Variants in POLG observed in about 807,000 individuals in gnomAD.
POLG encodes the protein DNA polymerase subunit gamma-1.
In POLG, 110 loss-of-function variants were observed where a neutral mutation model predicts 155.4. The observed-to-expected ratio is 0.71, with a 90% CI of 0.61 to 0.83. POLG has a LOEUF of 0.83. POLG is among the 40% of genes least tolerant of loss of function. The pLI is 0.00. For missense variants in POLG, 1,685 were observed against 1,627.5 expected (o/e 1.04, Z -0.61); for synonymous variants, 701 against 631.5 (o/e 1.11, Z -1.65).
chr15:89,321,280 C>A lies in POLG; in HGVS notation c.2599-20G>T. The A allele has an allele frequency of 6.2e-7, 1 of 1,613,358 alleles. No individual in the cohort carries two copies. Among genetic ancestry groups the A allele is most frequent in the Middle Eastern group, 1.7e-4 (1 of 6,058 alleles). On this transcript the variant is annotated intron_variant, in intron 16 of 22. Coordinates refer to ENST00000268124, the MANE Select transcript of POLG (RefSeq NM_002693.3). ...GTCAGGCTGTGGGAAGAGTGAGATA[C>A]CCAAATGAGACTCTTCCTACCCCAT...
chr15:89,323,962 G>A, intron 11 of POLG, 61 bp from the exon 12 acceptor site: 1 of 1,530,270 alleles, frequency 6.5e-7, no homozygotes, highest in Non-Finnish European at 9.1e-7. Flanking sequence ...CAATCCACCA[G>A]CCCCTCCCTG....
Position 89,318,600 on chromosome 15 carries a change from C to T in POLG, c.3423G>A (p.Val1141=), listed in dbSNP as rs763838486. 1 of 1,614,200 alleles carries T rather than the reference C, an allele frequency of 6.2e-7. No individual in the cohort carries two copies. Among genetic ancestry groups the T allele is most frequent in the Non-Finnish European group, 8.5e-7 (1 of 1,180,040 alleles). The change falls in exon 21 of 23, where the codon GTG becomes GTA. Residue 1141 remains valine (V), a synonymous_variant. Transcript: ENST00000268124. ...CAGCGCGGTAGCGGTCCTCCTCCCGCACCAGGTAGCGAACCTCGTCATGGA... is the reference window on the plus strand; with the variant it reads ...CAGCGCGGTAGCGGTCCTCCTCCCGTACCAGGTAGCGAACCTCGTCATGGA... ...ISIHDEVRYL[V]REEDRYRAAL...
At position 89,323,991 on chromosome 15, in the gene POLG, C is replaced by A. The variant is rs1449258971; in HGVS notation, c.2071-90G>T. 3 of 1,551,800 alleles carry A rather than the reference C, an allele frequency of 1.9e-6. No individual in the cohort carries two copies. The East Asian group carries it at 6.7e-5, about 35-fold the overall frequency. ...CTCCCTGCATGGTACTCAGACACTG[C>A]AGGCCAGTCTGGGGTGAGCCACCAG... On this transcript the variant is annotated intron_variant, in intron 11 of 22. Coordinates refer to ENST00000268124, the MANE Select transcript of POLG (RefSeq NM_002693.3).
chr15:89,322,692 G>T, intron 14 of POLG, 50 bp downstream of exon 14: 1 of 1,587,976 alleles, frequency 6.3e-7, no homozygotes, highest in Non-Finnish European at 8.6e-7. Context: ...GGGTCCCTGG[G>T]TGGGAAGAGA....
Position 89,321,259 on chromosome 15 carries a change from G to A in POLG, c.2600C>T (p.Pro867Leu), listed in dbSNP as rs780880601. The change falls in exon 17 of 23, where the codon CCT becomes CTT. Residue 867 changes from proline (P) to leucine (L), a missense_variant and splice_region_variant. This residue lies in a region of POLG where 1,210 missense variants were observed against 1,167.1 expected (regional missense o/e 1.04). Transcript: ENST00000268124. ...PTWLTASNAR[P>L]DRVGSELKAM... ...TTTCAACTCACTGCCTACTCGGTCA[G>A]GCTGTGGGAAGAGTGAGATACCCAA... The A allele has an allele frequency of 1.2e-6, 2 of 1,614,096 alleles. No individual in the cohort carries two copies. Among genetic ancestry groups the A allele is most frequent in the Non-Finnish European group, 1.7e-6 (2 of 1,179,982 alleles).
Position 89,328,490 on chromosome 15 carries a change from C to T in POLG, c.1216G>A (p.Val406Ile). Residue 406 changes from valine (V) to isoleucine (I), a missense_variant, in exon 6 of 23, where the codon GTT (valine) becomes ATT (isoleucine). This residue lies in a region of POLG where 1,210 missense variants were observed against 1,167.1 expected (regional missense o/e 1.04). Coordinates refer to ENST00000268124, the MANE Select transcript of POLG (RefSeq NM_002693.3). ...AAGAGCGGTAGCTGCTGCTGGAAAA[C>T]CTCATGGGTGGCCCACACGTCCTGG... ...CAQDVWATHE[V>I]FQQQLPLFLE... 4 of 1,613,944 alleles carry T rather than the reference C, an allele frequency of 2.5e-6. No homozygotes were observed. Among genetic ancestry groups the T allele is most frequent in the Non-Finnish European group, 3.4e-6 (4 of 1,180,002 alleles).
intron 22 of POLG, 36 bp downstream of exon 22, chr15:89,317,340 C>T (rs761373092): frequency 1.2e-6 from 2 of 1,607,372 alleles, no homozygotes; most frequent in East Asian, 2.2e-5. Context: ...CACCTCAGAT[C>T]CTATGTGTAA....
In POLG at chr15:89,316,586, C is replaced by T; in HGVS notation, c.*165G>A. 1 of 1,122,842 alleles carries T rather than the reference C, an allele frequency of 8.9e-7. No homozygotes were observed. Among genetic ancestry groups the T allele is most frequent in the African/African-American group, 1.5e-5 (1 of 64,908 alleles). The allele number at this position is 1,122,842 out of a possible 1,614,324, so 69.6% of individuals were successfully genotyped here. ...TTGGTTCTGAACCCACTGAATTCAA[C>T]TGCACCTTCAGTTAGAAGGAATCTT... On this transcript the variant is annotated 3_prime_UTR_variant, in exon 23 of 23. Transcript: ENST00000268124.
intron 18 of POLG, 31 bp downstream of exon 18, chr15:89,320,735 G>A: frequency 6.2e-7 from 1 of 1,610,830 alleles, no homozygotes; most frequent in Non-Finnish European, 8.5e-7. Flanking sequence ...CGGGTCCTGG[G>A]TGTTAAAGTG....
At position 89,326,757 on chromosome 15, in the gene POLG, A is replaced by T; in HGVS notation, c.1586-19T>A. 6.2e-7 allele frequency: 1 copy of T among 1,614,068 alleles called. No individual in the cohort carries two copies. The highest frequency in any genetic ancestry group is 8.5e-7 in the Non-Finnish European group (1 of 1,180,000). On this transcript the variant is annotated intron_variant, in intron 8 of 22. Transcript: ENST00000268124. ...CCGAGGTCTGTGAGGGTGGGGGAAG[A>T]CAATCAGGAGCAGGAGAAGGAACTC...
intron 10 of POLG, among the ~76,000 whole-genome samples, chr15:89,325,145 AGTGAGTGAGTGAGT>A (rs2055477105): frequency 6.3e-5 from 3 of 47,326 alleles, no homozygotes; most frequent in Non-Finnish European, 1.5e-4. Context: ...TGAGTGAGAG[AGTGAGTGAGTGAGT>A]GAGTGAGTGA....
At position 89,330,219 on chromosome 15, in the gene POLG, C is replaced by T. The variant is rs1188801234; in HGVS notation, c.717G>A (p.Leu239=). 2.5e-6 allele frequency: 4 copies of T among 1,613,292 alleles called. No homozygotes were observed. The highest frequency in any genetic ancestry group is 2.5e-6 in the Non-Finnish European group (3 of 1,179,922). The change falls in exon 3 of 23, where the codon CTG becomes CTA. Residue 239 remains leucine, a synonymous_variant. Transcript: ENST00000268124. Reference sequence around the variant, plus strand: ...CCAGGGGGATGAGGTCAGCCGGCGACAGCTGGCTGGTCCAAGAGTAACGCT... The same window carrying T: ...CCAGGGGGATGAGGTCAGCCGGCGATAGCTGGCTGGTCCAAGAGTAACGCT... ...VEERYSWTSQ[L]SPADLIPLEV...
chr15:89,325,604 T>G lies in POLG; in HGVS notation c.1795A>C (p.Thr599Pro), dbSNP rs1064796458. ...CAGGTAAGTGCCATGAGTTTAGGTG[T>G]GACCCGCATCTGCAGGCTGAGGAGG... ...PSLLSLQMRV[T>P]PKLMALTWDG... Residue 599 changes from threonine to proline, a missense_variant, in exon 10 of 23, where the codon ACA becomes CCA. By Grantham distance (38) the Thr-to-Pro change is conservative (BLOSUM62 -1). Transcript: ENST00000268124. The G allele has an allele frequency of 6.2e-7, 1 of 1,613,686 alleles. No homozygotes were observed. Among genetic ancestry groups the G allele is most frequent in the Admixed American group, 1.7e-5 (1 of 60,008 alleles).
At chr15:89,327,413 G>A (rs986781675) in intron 6 of POLG, 64 bp from the exon 7 acceptor site, 126 of 1,512,042 alleles carry the variant, frequency 8.3e-5, no homozygotes, top group Non-Finnish European at 9.7e-5. Context: ...CCCAATCCCT[G>A]AGCTGGTTTA....
chr15:89,323,035 TCACG>T (rs536566488), intron 13 of POLG, 133 bp from the exon 14 acceptor site: 22 of 900,612 alleles, frequency 2.4e-5, no homozygotes, highest in East Asian at 2.2e-4. Flanking sequence ...CCTGATTGTA[TCACG>T]CACGCGCGCA....
rs764492040 is a variant in POLG at position 89,328,995 on chromosome 15, G to A, written c.971C>T (p.Pro324Leu). ...GGACTTCTGGCCTTGCTTTGTGGGG[G>A]GCTGGACCTTGTGTTTGCCCTGCTT... is the stretch of plus-strand genomic sequence containing the variant. ...AAKQGKHKVQ[P>L]PTKQGQKSQR... The change falls in exon 4 of 23, where the codon CCC becomes CTC. Residue 324 changes from proline (P) to leucine (L), a missense_variant. Pro to Leu is a moderately conservative substitution (Grantham distance 98). This residue lies in a region of POLG where 1,210 missense variants were observed against 1,167.1 expected (regional missense o/e 1.04). Transcript: ENST00000268124. The A allele has an allele frequency of 1.2e-6, 2 of 1,613,670 alleles. No individual in the cohort carries two copies. The highest frequency in any genetic ancestry group is 2.2e-5 in the South Asian group (2 of 91,050).
chr15:89,325,413 G>C (rs768135549), intron 10 of POLG, 37 bp downstream of exon 10: 2 of 1,445,878 alleles, frequency 1.4e-6, no homozygotes, highest in South Asian at 2.3e-5. Flanking sequence ...GGGGTCCCTA[G>C]GCTCCAGCCC....
chr15:89,332,693 G>A (rs952230578), intron 2 of POLG, among the ~76,000 whole-genome samples: 3 of 152,032 alleles, frequency 2.0e-5, no homozygotes, highest in Non-Finnish European at 4.4e-5. Flanking sequence ...TCCCACAAAA[G>A]GGAGCTTTCT....
rs1251074296 is a variant in POLG, at chr15:89,323,814, C to G, written c.2157+1G>C. Reference sequence around the variant, plus strand: ...AGAACCCAAGCCGGCGCACTGCTCACCAGAGCTAGGGGTTGACCTGGCACT... The same window carrying G: ...AGAACCCAAGCCGGCGCACTGCTCAGCAGAGCTAGGGGTTGACCTGGCACT... On this transcript the variant is annotated splice_donor_variant, in intron 12 of 22. Coordinates refer to ENST00000268124, the MANE Select transcript of POLG (RefSeq NM_002693.3). LOFTEE classifies it high-confidence loss of function. The G allele has an allele frequency of 1.2e-6, 2 of 1,612,872 alleles. No individual in the cohort carries two copies. Among genetic ancestry groups the G allele is most frequent in the Non-Finnish European group, 1.7e-6 (2 of 1,178,838 alleles).
Sources: allele counts gnomAD v4.1 joint callset (sites outside exome capture counted in the v4.1 genomes callset), GRCh38; gene constraint gnomAD v4.1.1; regional missense constraint gnomAD v4.1.1; transcripts MANE v1.5; gene names NCBI Gene and HGNC (gene_info 2026-07-23, HGNC 2026-07-21).